The following CHRDL1 variants were observed in gnomAD, a reference collection of about 807,000 sequenced individuals.
CHRDL1 encodes the protein chordin-like protein 1.
A neutral mutation model predicts 40.9 loss-of-function variants in CHRDL1; 19 were observed. That is an observed-to-expected ratio of 0.46 (90% CI 0.32 to 0.68). CHRDL1 has a LOEUF of 0.68. Ranked by LOEUF, CHRDL1 falls within the 30% of genes least tolerant of loss-of-function variation. CHRDL1 has a pLI of 0.03. For synonymous variants in CHRDL1, 136 were observed against 123.4 expected (o/e 1.10, Z -0.68); for missense variants, 329 against 352.1 (o/e 0.93, Z 0.53).
intron 2 of CHRDL1, among the ~76,000 whole-genome samples, chrX:110,788,448 A>G (rs888566486): frequency 1.8e-5 from 2 of 111,826 alleles, no homozygotes; most frequent in Non-Finnish European, 3.8e-5. Context: ...AACAGGCTAC[A>G]AAACACATTC....
intron 4 of CHRDL1, among the ~76,000 whole-genome samples, chrX:110,738,908 G>A (rs150538560): frequency 2.7e-5 from 3 of 111,284 alleles, no homozygotes; most frequent in Non-Finnish European, 5.7e-5. Flanking sequence ...AATGGTTTAC[G>A]CCCAGTTTAG....
chrX:110,776,807 G>T (rs2089860609), intron 2 of CHRDL1, among the ~76,000 whole-genome samples: 1 of 108,730 alleles, frequency 9.2e-6, no homozygotes, highest in Non-Finnish European at 1.9e-5. Flanking sequence ...TGCCAGAGAG[G>T]TACAATTGTT....
intron 6 of CHRDL1, among the ~76,000 whole-genome samples, chrX:110,714,230 T>A (rs1460708290): frequency 9.1e-6 from 1 of 110,402 alleles, no homozygotes; most frequent in Non-Finnish European, 1.9e-5. Flanking sequence ...GTTCTCATCA[T>A]TTAGCTCCCA....
chrX:110,756,205 G>A (rs1039333627), intron 4 of CHRDL1, among the ~76,000 whole-genome samples: 3 of 111,916 alleles, frequency 2.7e-5, no homozygotes, highest in South Asian at 3.7e-4. Context: ...TAAATAAAAC[G>A]TGAAAACTGC....
rs1439692670 is a variant in CHRDL1 at position 110,700,574 on chromosome X, G to T, written c.609+80C>A. 5 of 684,942 alleles carry T rather than the reference G, an allele frequency of 7.3e-6. No individual in the cohort carries two copies. In the Admixed American group the frequency reaches 7.6e-5, roughly 10 times the overall value. The allele number at this position is 684,942 out of a possible 1,213,427, so 56.4% of individuals were successfully genotyped here. A position where few individuals can be genotyped will look rare whatever the true frequency, so the allele number is the denominator to read the frequency against. On this transcript the variant is annotated intron_variant, in intron 7 of 11. Transcript: ENST00000372042. ...GAAATCGGGCCTTTTTTTTGGATTT[G>T]CTAGAATAGTAGCCACGAGGAGAGG...
At chrX:110,776,478 T>C (rs1047130657) in intron 2 of CHRDL1, among the ~76,000 whole-genome samples, 61 of 111,833 alleles carry the variant, frequency 5.5e-4, no homozygotes, top group African/African-American at 2.0e-3. Flanking sequence ...TATCATTTAT[T>C]TTTGAAAAAT....
intron 3 of CHRDL1, among the ~76,000 whole-genome samples, chrX:110,760,558 A>G (rs773270874): frequency 1.8e-5 from 2 of 111,992 alleles, no homozygotes; most frequent in South Asian, 7.5e-4. Context: ...CATTGGGATC[A>G]TTTTAACATT....
At chrX:110,734,934 T>C (rs2071236747) in intron 4 of CHRDL1, among the ~76,000 whole-genome samples, 1 of 112,191 alleles carries the variant, frequency 8.9e-6, no homozygotes, top group Admixed American at 9.4e-5. Flanking sequence ...GGTTATGTGG[T>C]AATGTTGTCA....
rs1198617388 is a variant in CHRDL1 at position 110,764,308 on chromosome X, C to A, written c.95-1501G>T. On this transcript the variant is annotated intron_variant, in intron 2 of 11. Coordinates refer to ENST00000372042, the MANE Select transcript of CHRDL1 (RefSeq NM_001143981.2). ...GCTTTTGGGTTTTTGGTCATGAAAT[C>A]CTTGTCTAAGCCAATGTCTGTTGCG... 5.4e-5 allele frequency among the ~76,000 whole-genome samples: 6 copies of A among 112,076 alleles called. 1 individual carries two copies. In the South Asian group the frequency reaches 2.3e-3, roughly 42 times the overall value.
At chrX:110,732,383 A>G (rs1323154889) in intron 4 of CHRDL1, among the ~76,000 whole-genome samples, 6 of 111,723 alleles carry the variant, frequency 5.4e-5, no homozygotes, top group Admixed American at 3.8e-4. Context: ...GTGAGGTCCC[A>G]GGCCAGGAAA....
intron 2 of CHRDL1, among the ~76,000 whole-genome samples, chrX:110,768,437 T>A (rs1261279986): frequency 5.4e-5 from 6 of 110,712 alleles, no homozygotes; most frequent in Non-Finnish European, 1.1e-4. Flanking sequence ...TGTATCTGGG[T>A]GTCTCTGGGT....
chrX:110,711,128 A>T (rs1490843473), intron 6 of CHRDL1, among the ~76,000 whole-genome samples: 1 of 111,847 alleles, frequency 8.9e-6, no homozygotes, highest in Non-Finnish European at 1.9e-5. Flanking sequence ...AAAATTTGTA[A>T]TTTTTAGATT....
intron 4 of CHRDL1, among the ~76,000 whole-genome samples, chrX:110,727,892 A>G (rs1396743684): frequency 8.9e-6 from 1 of 111,932 alleles, no homozygotes; most frequent in Non-Finnish European, 1.9e-5. Context: ...TATTCATTGC[A>G]GCATTGTTTG....
Position 110,696,871 on chromosome X carries a change from G to A in CHRDL1, c.610-2540C>T, listed in dbSNP as rs895476406. Among the ~76,000 whole-genome samples, 46 of 110,896 alleles carry A rather than the reference G, an allele frequency of 4.1e-4. 1 individual carries two copies. The highest frequency in any genetic ancestry group is 1.5e-3 in the African/African-American group (46 of 30,233). On this transcript the variant is annotated intron_variant, in intron 7 of 11. Coordinates refer to ENST00000372042, the MANE Select transcript of CHRDL1 (RefSeq NM_001143981.2). ...TGACATAAAGGATTTTCTGTTTGGG[G>A]GCTGGAGTGGGTGGTGGTGGTGTGT... is the stretch of plus-strand genomic sequence containing the variant.
At chrX:110,713,494 A>C (rs1430130191) in intron 6 of CHRDL1, among the ~76,000 whole-genome samples, 1 of 112,231 alleles carries the variant, frequency 8.9e-6, no homozygotes, top group Non-Finnish European at 1.9e-5. Flanking sequence ...GTATCTGCAC[A>C]CAACAATGTG....
intron 6 of CHRDL1, 111 bp from the exon 7 acceptor site, chrX:110,700,832 G>GT (rs1299103842): frequency 2.1e-6 from 1 of 487,202 alleles, no homozygotes; most frequent in East Asian, 3.9e-5. Flanking sequence ...TTCTTGAAGT[G>GT]TTTTTGCTTT....
At chrX:110,763,887 T>G (rs1427884892) in intron 2 of CHRDL1, among the ~76,000 whole-genome samples, 1 of 111,825 alleles carries the variant, frequency 8.9e-6, no homozygotes, top group Non-Finnish European at 1.9e-5. Context: ...TTTTCGTTTT[T>G]TGATTATGGT....
chrX:110,741,300 T>C (rs1238799343), intron 4 of CHRDL1, among the ~76,000 whole-genome samples: 1 of 111,748 alleles, frequency 8.9e-6, no homozygotes, highest in Non-Finnish European at 1.9e-5. Context: ...AATATCAGGA[T>C]GGGTATAGGA....
At chrX:110,756,120 C>T (rs2148502635) in intron 4 of CHRDL1, among the ~76,000 whole-genome samples, 1 of 111,189 alleles carries the variant, frequency 9.0e-6, no homozygotes, top group African/African-American at 3.3e-5. Flanking sequence ...TTCAATATGG[C>T]AAAGAGAACA....
Sources: gnomAD v4.1 joint callset for allele counts (sites outside exome capture counted in the v4.1 genomes callset) on GRCh38, gnomAD v4.1.1 for gene constraint, MANE v1.5 for transcripts, NCBI Gene and HGNC (gene_info 2026-07-23, HGNC 2026-07-21) for gene names.